SPTBN1: variants seen among roughly 807,000 people sequenced by gnomAD.
The protein encoded by SPTBN1 is spectrin beta, non-erythrocytic 1.
A neutral mutation model predicts 266.4 loss-of-function variants in SPTBN1; 32 were observed. The ratio of observed to expected loss-of-function variants is 0.12; its 90% confidence interval spans 0.09 to 0.16. The LOEUF (loss-of-function observed/expected upper bound fraction) is 0.16, where lower values mean the gene tolerates loss of function less well. Ranked by LOEUF, SPTBN1 falls within the 10% of genes least tolerant of loss-of-function variation. The probability of loss-of-function intolerance (pLI) is 1.00; values close to 1 mark genes in which losing one functional copy is unlikely to be tolerated. For synonymous variants in SPTBN1, 1,336 were observed against 1,162.2 expected, an observed-to-expected ratio of 1.15 and a Z score of -3.04; for missense variants, 2,296 against 3,067.1, an observed-to-expected ratio of 0.75 and a Z score of 5.94.
intron 3 of SPTBN1, among the ~76,000 whole-genome samples, 197 bp downstream of exon 3, chr2:54,599,440 A>G (rs548253663): frequency 2.2e-4 from 34 of 152,314 alleles, no homozygotes; most frequent in African/African-American, 7.9e-4. Context: ...GAGCTGTAAT[A>G]AAGCCACTTT....
In SPTBN1 at chr2:54,506,567, A is replaced by G. The variant is rs539952595; in HGVS notation, c.-47-19805A>G. Among the ~76,000 whole-genome samples the G allele has an allele frequency of 2.6e-5, 4 of 151,682 alleles. No individual in the cohort carries two copies. In the South Asian group the frequency reaches 8.3e-4, roughly 32 times the overall value. On this transcript the variant is annotated intron_variant, in intron 1 of 35. Transcript: ENST00000356805. ...AATTGGTAGGGAAAGTGCTTCTAAT[A>G]CTCTTCGAAGCTGAGAAAATTTTAA...
At position 54,628,159 on chromosome 2, in the gene SPTBN1, G is replaced by A. The variant is rs1678478046; in HGVS notation, c.1707G>A (p.Lys569=). 1.2e-6 allele frequency: 2 copies of A among 1,613,980 alleles called. No individual in the cohort carries two copies. The highest frequency in any genetic ancestry group is 8.5e-7 in the Non-Finnish European group (1 of 1,179,978). ...HLLGVEDLLQ[K]HTLVEADIGI... ...TTGGTGTGGAAGACCTGTTACAGAA[G>A]CACACCCTGGTTGAAGCAGACATTG... Residue 569 remains lysine, a synonymous_variant, in exon 13 of 36, where the codon AAG becomes AAA. Transcript: ENST00000356805. This position sits in a 1 kb window ranked among gnomAD's most constrained non-coding sequence, Gnocchi z 4.3.
At chr2:54,574,529 C>T (rs1674325305) in intron 2 of SPTBN1, among the ~76,000 whole-genome samples, 2 of 152,218 alleles carry the variant, frequency 1.3e-5, no homozygotes, top group Admixed American at 6.5e-5. Context: ...TGATTTTTAT[C>T]ATGTGGTTTC....
At chr2:54,655,383 C>G (rs1275332478) in intron 28 of SPTBN1, among the ~76,000 whole-genome samples, 175 bp downstream of exon 28, 1 of 152,130 alleles carries the variant, frequency 6.6e-6, no homozygotes, top group Non-Finnish European at 1.5e-5. Flanking sequence ...GACTCTAGGC[C>G]CAGGCTGGTA....
Position 54,661,064 on chromosome 2 carries a change from G to C in SPTBN1, c.6420+1065G>C, listed in dbSNP as rs116519227. ...GCTCGCATGCCCCCTGGCTTCAGAA[G>C]TCATGTCAGTGTCTCTGTAGACAAA... On this transcript the variant is annotated intron_variant, in intron 32 of 35. Coordinates refer to ENST00000356805, the MANE Select transcript of SPTBN1 (RefSeq NM_003128.3). 6.1e-3 allele frequency: 5,993 copies of C among 985,416 alleles called. 14 individuals carry two copies. Among genetic ancestry groups the C allele is most frequent in the Non-Finnish European group, 6.9e-3 (5,759 of 829,942 alleles). The allele number at this position is 985,416 out of a possible 1,614,324, so 61.0% of individuals were successfully genotyped here.
chr2:54,595,873 C>T (rs1041838792), intron 2 of SPTBN1, among the ~76,000 whole-genome samples: 19 of 152,176 alleles, frequency 1.2e-4, no homozygotes, highest in Admixed American at 7.9e-4. Context: ...ACCCATGAAT[C>T]GTGACCATCA....
In SPTBN1 at chr2:54,558,243, C is replaced by T. The variant is rs1673012278; in HGVS notation, c.148+31677C>T. 1 of 985,302 alleles carries T rather than the reference C, an allele frequency of 1.0e-6. No individual in the cohort carries two copies. The highest frequency in any genetic ancestry group is 1.2e-6 in the Non-Finnish European group (1 of 829,858). The allele number at this position is 985,302 out of a possible 1,614,324, so 61.0% of individuals were successfully genotyped here. On this transcript the variant is annotated intron_variant, in intron 2 of 35. Transcript: ENST00000356805. The surrounding 1 kb of genome is among the most constrained non-coding windows in gnomAD (Gnocchi z 4.6). ...GCGGGACCGGTAGGGGGTCGCGGGC[C>T]GGCTAGGCTCCCCCGCGCCCCTCCT...
rs994075718 is a variant in SPTBN1 at position 54,671,312 on chromosome 2, G to A, written c.*2743G>A. 6.6e-6 allele frequency: 1 copy of A among 152,280 alleles called. No individual in the cohort carries two copies. The highest frequency in any genetic ancestry group is 2.4e-5 in the African/African-American group (1 of 41,408). 9.4% of individuals were successfully genotyped at this position (152,280 alleles called of 1,614,324 possible). On this transcript the variant is annotated 3_prime_UTR_variant, in exon 36 of 36. Transcript: ENST00000356805. Reference sequence around the variant, plus strand: ...GTAGGTGAAACACTGTATCAGACTGGGTGATGGGCACATTGTCATTTCACC... The same window carrying A: ...GTAGGTGAAACACTGTATCAGACTGAGTGATGGGCACATTGTCATTTCACC...
intron 2 of SPTBN1, among the ~76,000 whole-genome samples, chr2:54,556,579 A>G (rs997344018): frequency 4.4e-4 from 67 of 152,214 alleles, no homozygotes; most frequent in African/African-American, 1.6e-3. Context: ...GAGACTTATC[A>G]TTTCACCAGT....
chr2:54,618,120 A>C lies in SPTBN1; in HGVS notation c.690A>C (p.Ala230=). The C allele has an allele frequency of 6.2e-7, 1 of 1,614,230 alleles. No individual in the cohort carries two copies. ...IDFDKLKKSN[A]HYNLQNAFNL... ...TTGACAAACTAAAGAAATCTAACGCACACTACAACCTGCAGAATGCATTTA... is the reference window on the plus strand; with the variant it reads ...TTGACAAACTAAAGAAATCTAACGCCCACTACAACCTGCAGAATGCATTTA... The change falls in exon 7 of 36, where the codon GCA becomes GCC. Residue 230 remains alanine, a synonymous_variant. Transcript: ENST00000356805.
chr2:54,647,313 G>C (rs755296323), intron 24 of SPTBN1, 52 bp downstream of exon 24: 48 of 1,597,332 alleles, frequency 3.0e-5, no homozygotes, highest in Non-Finnish European at 3.8e-5. Flanking sequence ...CTCTCAGTTA[G>C]GGTCTCTTGC....
intron 1 of SPTBN1, among the ~76,000 whole-genome samples, chr2:54,493,765 C>T (rs940017571): frequency 6.6e-6 from 1 of 152,182 alleles, no homozygotes. Flanking sequence ...TAAGTGCCAA[C>T]ATAGATATTT....
intron 19 of SPTBN1, 45 bp from the exon 20 acceptor site, chr2:54,644,278 G>A: frequency 3.2e-6 from 5 of 1,576,016 alleles, no homozygotes; most frequent in Non-Finnish European, 4.3e-6. Context: ...CATTTTTTCT[G>A]TAGCAAACTT....
At position 54,487,832 on chromosome 2, in the gene SPTBN1, C is replaced by CTTTTTTTTTTTTTTTTTTTTTT. The variant is rs70944169; in HGVS notation, c.-48+31329_-48+31330insTTTTTTTTTTTTTTTTTTTTTT. ...TTCACTTGATGGTCTCCTCCTGTGT[C>CTTTTTTTTTTTTTTTTTTTTTT]TTTTTTTTTTTTTTTGAGACGGAGT... On this transcript the variant is annotated intron_variant, in intron 1 of 35. Transcript: ENST00000356805. Among the ~76,000 whole-genome samples, 410 of 68,640 alleles carry CTTTTTTTTTTTTTTTTTTTTTT rather than the reference C, an allele frequency of 6.0e-3. 100 individuals carry two copies. The highest frequency in any genetic ancestry group is 9.8e-3 in the East Asian group (20 of 2,032). The allele number at this position is 68,640 out of a possible 152,430, so 45.0% of individuals were successfully genotyped here. A position where few individuals can be genotyped will look rare whatever the true frequency, so the allele number is the denominator to read the frequency against.
intron 2 of SPTBN1, among the ~76,000 whole-genome samples, chr2:54,583,664 A>C (rs369027623): frequency 1.3e-5 from 2 of 152,224 alleles, no homozygotes; most frequent in African/African-American, 4.8e-5. Flanking sequence ...TATGCTTACA[A>C]ATGTTATATA....
chr2:54,529,740 G>A (rs1356800795), intron 2 of SPTBN1: 1 of 680,048 alleles, frequency 1.5e-6, no homozygotes, highest in South Asian at 1.4e-5. Context: ...GAGAGATGAA[G>A]GCATATGTTC....
In SPTBN1 at chr2:54,533,983, G is replaced by A. The variant is rs1275398080; in HGVS notation, c.148+7417G>A. On this transcript the variant is annotated intron_variant, in intron 2 of 35. Transcript: ENST00000356805. This position sits in a 1 kb window ranked among gnomAD's most constrained non-coding sequence, Gnocchi z 4.2. ...GTCATTTTAAGGGGTAGGGTCTAGT[G>A]ACCTAAAGAGCACTGGAACTTGGAG... Among the ~76,000 whole-genome samples, 1 of 152,116 alleles carries A rather than the reference G, an allele frequency of 6.6e-6. No homozygotes were observed. The highest frequency in any genetic ancestry group is 2.4e-5 in the African/African-American group (1 of 41,420).
intron 4 of SPTBN1, among the ~76,000 whole-genome samples, chr2:54,615,422 A>G (rs900853330): frequency 6.6e-6 from 1 of 152,226 alleles, no homozygotes; most frequent in Non-Finnish European, 1.5e-5. Context: ...TTCATATAAT[A>G]GACAAAAGTG....
At chr2:54,576,863 A>G (rs767783806) in intron 2 of SPTBN1, among the ~76,000 whole-genome samples, 16 of 152,198 alleles carry the variant, frequency 1.1e-4, no homozygotes, top group African/African-American at 3.4e-4. Context: ...CAAACATGCA[A>G]ATATCATTCC....
Sources: gnomAD v4.1 joint callset for allele counts (sites outside exome capture counted in the v4.1 genomes callset) on GRCh38, gnomAD v4.1.1 for gene constraint, Gnocchi (gnomAD v3.1) non-coding constraint, MANE v1.5 for transcripts, NCBI Gene and HGNC (gene_info 2026-07-23, HGNC 2026-07-21) for gene names.